Variants in FAT1 observed in about 807,000 individuals in gnomAD.
The protein encoded by FAT1 is FAT atypical cadherin 1, also known as protocadherin Fat 1.
A neutral mutation model predicts 329.8 loss-of-function variants in FAT1; 171 were observed. The ratio of observed to expected loss-of-function variants is 0.52; its 90% CI spans 0.46 to 0.59. FAT1 has a LOEUF of 0.59. FAT1 is among the 20% of genes least tolerant of loss of function. FAT1 has a pLI of 0.00. For missense variants in FAT1, 5,672 were observed against 5,774.4 expected (o/e 0.98, Z 0.57); for synonymous variants, 2,233 against 2,228.6 (o/e 1.00, Z -0.06).
Position 186,618,226 on chromosome 4 carries a change from T to C in FAT1, c.8360A>G (p.His2787Arg), listed in dbSNP as rs757549937. ...AACATCTACAGAAGCCACCATCTCATGGTCATCTTGAGTGCACCTGGCCAG... is the reference window on the plus strand; with the variant it reads ...AACATCTACAGAAGCCACCATCTCACGGTCATCTTGAGTGCACCTGGCCAG... ...SILARCTQDD[H>R]EMVASVDVSI... Residue 2787 changes from histidine to arginine, a missense_variant, in exon 10 of 27, where the codon CAT becomes CGT. Coordinates refer to ENST00000441802, the MANE Select transcript of FAT1 (RefSeq NM_005245.4). 10 of 1,613,942 alleles carry C rather than the reference T, an allele frequency of 6.2e-6. No individual in the cohort carries two copies. The African/African-American group carries it at 1.1e-4, about 17-fold the overall frequency.
At chr4:186,608,500 C>G (rs886714797) in intron 16 of FAT1, among the ~76,000 whole-genome samples, 2 of 152,164 alleles carry the variant, frequency 1.3e-5, no homozygotes, top group African/African-American at 4.8e-5. Context: ...CCCACCTATG[C>G]CTCCCATGTA....
Position 186,601,300 on chromosome 4 carries a change from T to A in FAT1, c.11609A>T (p.Tyr3870Phe), listed in dbSNP as rs935996270. The stretch of plus-strand genomic sequence containing the variant: ...GATGCTATAGTCAGTTCCTCGAGCA[T>A]ACATGACAACCGCATGCGTGGAATA... ...RTYSTHAVVM[Y>F]ARGTDYSILE... Residue 3870 changes from tyrosine to phenylalanine, a missense_variant, in exon 21 of 27, where the codon TAT (tyrosine) becomes TTT (phenylalanine). This residue lies in a region of FAT1 where 1,706 missense variants were observed against 1,859.1 expected (regional missense o/e 0.92). Transcript: ENST00000441802. 1 of 1,609,634 alleles carries A rather than the reference T, an allele frequency of 6.2e-7. No individual in the cohort carries two copies. The highest frequency in any genetic ancestry group is 1.7e-5 in the Admixed American group (1 of 60,000).
chr4:186,633,894 A>G, intron 6 of FAT1, 71 bp from the exon 7 acceptor site: 2 of 1,550,408 alleles, frequency 1.3e-6, no homozygotes, highest in East Asian at 2.3e-5. Context: ...TGGCTTTCTC[A>G]TACTTAATGG....
chr4:186,641,960 T>C (rs909303122), intron 3 of FAT1, among the ~76,000 whole-genome samples: 7 of 151,996 alleles, frequency 4.6e-5, no homozygotes, highest in East Asian at 1.9e-4. Context: ...TGAGCCGAGA[T>C]TGCGCCACAG....
rs565560272 is a variant in FAT1, at chr4:186,671,571, C to T, written c.3266-7958G>A. 1.4e-4 allele frequency among the ~76,000 whole-genome samples: 21 copies of T among 151,782 alleles called. No individual in the cohort carries two copies. In the East Asian group the frequency reaches 2.1e-3, roughly 15 times the overall value. On this transcript the variant is annotated intron_variant, in intron 2 of 26. Transcript: ENST00000441802. ...AAAATGAGCTGGGCGTGGTGGCAGG[C>T]GCCTGTAATCCCAGCTACTTGGGAG...
intron 2 of FAT1, among the ~76,000 whole-genome samples, chr4:186,699,376 A>G (rs1744191285): frequency 6.6e-6 from 1 of 152,258 alleles, no homozygotes; most frequent in Non-Finnish European, 1.5e-5. Flanking sequence ...CAACAGGTTG[A>G]GCCACTCGGA....
chr4:186,603,967 T>G lies in FAT1; in HGVS notation c.10559A>C (p.Asn3520Thr), dbSNP rs1738964228. The G allele has an allele frequency of 6.2e-7, 1 of 1,609,144 alleles. No homozygotes were observed. The highest frequency in any genetic ancestry group is 1.3e-5 in the African/African-American group (1 of 74,794). Residue 3520 changes from asparagine (N) to threonine (T), a missense_variant, in exon 19 of 27, where the codon AAT (asparagine) becomes ACT (threonine). Physicochemically the swap from Asn to Thr is moderately conservative, Grantham distance 65. Coordinates refer to ENST00000441802, the MANE Select transcript of FAT1 (RefSeq NM_005245.4). ...HYLLQVKVAD[N>T]GKPQLSSLTY... ...CAAAGATGACAACTGAGGCTTTCCA[T>G]TATCTGCCACCTACAAGAAAAGAAA...
chr4:186,719,420 T>A (rs192149393), intron 1 of FAT1, among the ~76,000 whole-genome samples: 2 of 152,326 alleles, frequency 1.3e-5, no homozygotes, highest in Non-Finnish European at 1.5e-5. Context: ...ACTTGAGCAT[T>A]CTCAGATTTG....
chr4:186,697,548 A>T (rs1040442451), intron 2 of FAT1, among the ~76,000 whole-genome samples: 2 of 152,362 alleles, frequency 1.3e-5, no homozygotes, highest in African/African-American at 4.8e-5. Flanking sequence ...ACTTGGAAAC[A>T]GCCTTGAATG....
At chr4:186,706,508 A>C in intron 2 of FAT1, 55 bp downstream of exon 2, 1 of 1,284,480 alleles carries the variant, frequency 7.8e-7, no homozygotes. Context: ...AGATGGTTAA[A>C]AAAAAAAAAA....
intron 8 of FAT1, 37 bp downstream of exon 8, chr4:186,628,451 G>C (rs1440056795): frequency 6.2e-7 from 1 of 1,612,754 alleles, no homozygotes; most frequent in Non-Finnish European, 8.5e-7. Context: ...AAGGCCTCAG[G>C]ACCAAATGGT....
intron 24 of FAT1, 170 bp from the exon 25 acceptor site, chr4:186,597,341 T>A: frequency 1.5e-6 from 1 of 686,258 alleles, no homozygotes; most frequent in South Asian, 2.2e-5. Context: ...AGAAAAGACC[T>A]TCTGTGGAGA....
intron 7 of FAT1, 53 bp downstream of exon 7, chr4:186,633,630 CA>C: frequency 1.2e-6 from 2 of 1,607,206 alleles, no homozygotes; most frequent in Non-Finnish European, 1.7e-6. Flanking sequence ...ACCCCTAAGT[CA>C]GAACGTTATC....
At chr4:186,593,698 C>T (rs1738350707) in intron 26 of FAT1, among the ~76,000 whole-genome samples, 2 of 152,082 alleles carry the variant, frequency 1.3e-5, no homozygotes, top group South Asian at 4.1e-4. Flanking sequence ...ATGTGGGCAG[C>T]CTCTAAAAAC....
intron 2 of FAT1, among the ~76,000 whole-genome samples, chr4:186,669,763 G>T (rs543582635): frequency 2.4e-4 from 36 of 152,282 alleles, no homozygotes; most frequent in Middle Eastern, 3.4e-3. Context: ...TTTCTGTATG[G>T]AAGGATTCAT....
intron 2 of FAT1, among the ~76,000 whole-genome samples, chr4:186,700,782 T>C (rs1022385527): frequency 1.2e-4 from 18 of 152,028 alleles, no homozygotes; most frequent in Admixed American, 1.0e-3. Flanking sequence ...CACCCGGTGG[T>C]TGTGAGAATT....
At chr4:186,720,523 T>C (rs527608456) in intron 1 of FAT1, among the ~76,000 whole-genome samples, 4 of 152,272 alleles carry the variant, frequency 2.6e-5, no homozygotes, top group African/African-American at 9.6e-5. Flanking sequence ...CTTGAATTGT[T>C]CCCCTCTGAT....
At chr4:186,627,757 T>C (rs1740384764) in intron 9 of FAT1, among the ~76,000 whole-genome samples, 1 of 152,148 alleles carries the variant, frequency 6.6e-6, no homozygotes, top group African/African-American at 2.4e-5. Context: ...CAAGAGAAAA[T>C]ACTCTCTGAC....
At chr4:186,591,271 A>AT (rs749453882) in intron 26 of FAT1, among the ~76,000 whole-genome samples, 1 of 152,238 alleles carries the variant, frequency 6.6e-6, no homozygotes, top group South Asian at 2.1e-4. Context: ...CACATCCGTG[A>AT]TTTTTTAAAC....
Sources: gnomAD v4.1 joint callset for allele counts (sites outside exome capture counted in the v4.1 genomes callset) on GRCh38, gnomAD v4.1.1 for gene constraint, gnomAD v4.1.1 regional missense constraint, MANE v1.5 for transcripts, NCBI Gene and HGNC (gene_info 2026-07-23, HGNC 2026-07-21) for gene names.